CNTLN: variants seen among roughly 807,000 people sequenced by gnomAD.
CNTLN encodes the protein centlein, centrosomal protein.
CNTLN carries 212 observed loss-of-function variants against 180.0 expected under a neutral mutation model. The observed-to-expected ratio is 1.18, with a 90% confidence interval of 1.05 to 1.32. The LOEUF (loss-of-function observed/expected upper bound fraction) is 1.32, where lower values mean the gene tolerates loss of function less well. Among genes scored for constraint, CNTLN ranks in the 40% most tolerant of loss-of-function variants. CNTLN has a pLI of 0.00. For missense variants in CNTLN, 2,095 were observed against 1,610.9 expected, an observed-to-expected ratio of 1.30 and a Z score of -5.14; for synonymous variants, 722 against 563.1, an observed-to-expected ratio of 1.28 and a Z score of -3.99.
chr9:17,387,103 T>G (rs537920080), intron 13 of CNTLN, among the ~76,000 whole-genome samples: 1 of 152,180 alleles, frequency 6.6e-6, no homozygotes, highest in South Asian at 2.1e-4. Flanking sequence ...GGGTATGTCA[T>G]TTTTCAAAGA....
intron 12 of CNTLN, among the ~76,000 whole-genome samples, chr9:17,344,653 T>C: frequency 6.6e-6 from 1 of 152,162 alleles, no homozygotes; most frequent in Middle Eastern, 3.2e-3. Context: ...TCAAAAATGT[T>C]AAAAACTAAT....
chr9:17,214,163 A>G (rs1323797654), intron 2 of CNTLN, among the ~76,000 whole-genome samples: 1 of 151,984 alleles, frequency 6.6e-6, no homozygotes, highest in Non-Finnish European at 1.5e-5. Context: ...TGGTCTTTAC[A>G]CTTTGGCATG....
chr9:17,468,614 A>C (rs1303105747), intron 23 of CNTLN, among the ~76,000 whole-genome samples: 1 of 151,580 alleles, frequency 6.6e-6, no homozygotes, highest in Non-Finnish European at 1.5e-5. Context: ...GTGGCACTTT[A>C]AAAAAGAAGG....
At chr9:17,272,665 T>C (rs1828033776) in intron 5 of CNTLN, among the ~76,000 whole-genome samples, 1 of 152,120 alleles carries the variant, frequency 6.6e-6, no homozygotes, top group African/African-American at 2.4e-5. Flanking sequence ...GTTAAAAAAT[T>C]TCTTCTGTGT....
intron 13 of CNTLN, among the ~76,000 whole-genome samples, chr9:17,385,440 G>A (rs1174145199): frequency 1.3e-5 from 2 of 152,050 alleles, no homozygotes; most frequent in African/African-American, 2.4e-5. Context: ...ACCTATCTAG[G>A]GGCTCACCAG....
intron 5 of CNTLN, among the ~76,000 whole-genome samples, chr9:17,262,064 G>A (rs10962958): frequency 0.23 from 35,540 of 151,306 alleles, 4,699 homozygotes; most frequent in South Asian, 0.36. Flanking sequence ...TTATTAAAAA[G>A]TTAGGAAACA....
intron 5 of CNTLN, among the ~76,000 whole-genome samples, chr9:17,261,895 C>G (rs1409723042): frequency 6.6e-6 from 1 of 151,376 alleles, no homozygotes; most frequent in South Asian, 2.1e-4. Context: ...AAAAACAACC[C>G]CATCAAAAAG....
At chr9:17,189,376 C>T (rs986315615) in intron 2 of CNTLN, among the ~76,000 whole-genome samples, 1 of 151,742 alleles carries the variant, frequency 6.6e-6, no homozygotes, top group Non-Finnish European at 1.5e-5. Context: ...ACCACCGTGC[C>T]CGGCCAGGAC....
At chr9:17,335,369 T>C (rs982985557) in intron 10 of CNTLN, among the ~76,000 whole-genome samples, 4 of 152,090 alleles carry the variant, frequency 2.6e-5, no homozygotes, top group Non-Finnish European at 5.9e-5. Flanking sequence ...ATACAAAAAT[T>C]AGCTGGGTGT....
intron 2 of CNTLN, among the ~76,000 whole-genome samples, chr9:17,218,438 A>G (rs1239801968): frequency 1.3e-5 from 2 of 152,054 alleles, no homozygotes; most frequent in Non-Finnish European, 2.9e-5. Flanking sequence ...TATATTGTTT[A>G]TAGATGCCAT....
chr9:17,353,899 T>A (rs1822580730), intron 12 of CNTLN, among the ~76,000 whole-genome samples: 1 of 152,174 alleles, frequency 6.6e-6, no homozygotes, highest in Non-Finnish European at 1.5e-5. Context: ...TGGCCAAGGC[T>A]GGAGCCCACT....
intron 25 of CNTLN, among the ~76,000 whole-genome samples, chr9:17,492,498 T>C (rs1731565251): frequency 6.6e-6 from 1 of 152,094 alleles, no homozygotes; most frequent in East Asian, 1.9e-4. Context: ...TTTTATCGAG[T>C]GCTGATAGTA....
At chr9:17,519,561 G>A in the CNTLN span, among the ~76,000 whole-genome samples, 194 of 152,284 alleles carry the variant, frequency 1.3e-3, no homozygotes, top group Non-Finnish European at 1.7e-3. Flanking sequence ...TTGAACTGTT[G>A]TAAATACATG....
intron 16 of CNTLN, among the ~76,000 whole-genome samples, chr9:17,413,543 A>G (rs553805829): frequency 3.0e-4 from 45 of 152,322 alleles, no homozygotes; most frequent in African/African-American, 1.1e-3. Flanking sequence ...TTGAATATGT[A>G]AAGAACACTC....
At chr9:17,493,982 C>G (rs1344111256) in intron 25 of CNTLN, among the ~76,000 whole-genome samples, 1 of 152,172 alleles carries the variant, frequency 6.6e-6, no homozygotes, top group African/African-American at 2.4e-5. Flanking sequence ...ACTAAAGCCT[C>G]TTTAATTCAA....
intron 2 of CNTLN, among the ~76,000 whole-genome samples, chr9:17,182,708 A>G (rs1195031763): frequency 2.0e-5 from 3 of 152,188 alleles, no homozygotes; most frequent in Admixed American, 6.5e-5. Context: ...TCCTTGTGCC[A>G]CTTCTCTTAC....
chr9:17,505,634 A>G (rs982610804), downstream of CNTLN, among the ~76,000 whole-genome samples: 1 of 152,118 alleles, frequency 6.6e-6, no homozygotes, highest in Non-Finnish European at 1.5e-5. Context: ...AGAAATGAAA[A>G]AGATCTAATA....
chr9:17,178,166 A>G (rs117459276), intron 2 of CNTLN, among the ~76,000 whole-genome samples: 2,670 of 152,116 alleles, frequency 0.018, 42 homozygotes, highest in Non-Finnish European at 0.031. Context: ...TTCCCACCAG[A>G]TTAACTAGAT....
At chr9:17,405,451 G>T (rs940944777) in intron 15 of CNTLN, among the ~76,000 whole-genome samples, 22 of 151,744 alleles carry the variant, frequency 1.4e-4, no homozygotes, top group Non-Finnish European at 1.5e-5. Flanking sequence ...GTGTCATCAT[G>T]GCCGAAGGTG....
Sources: allele counts gnomAD v4.1 joint callset (sites outside exome capture counted in the v4.1 genomes callset), GRCh38; gene constraint gnomAD v4.1.1; transcripts MANE v1.5; gene names NCBI Gene and HGNC (gene_info 2026-07-23, HGNC 2026-07-21).